The following CPA6 variants were observed in gnomAD, a reference collection of about 807,000 sequenced individuals.
The protein encoded by CPA6 is carboxypeptidase A6, also known as carboxypeptidase B.
In CPA6, 58 loss-of-function variants were observed where a neutral mutation model predicts 63.3. The ratio of observed to expected loss-of-function variants is 0.92; its 90% CI spans 0.74 to 1.14. CPA6 has a LOEUF of 1.14. Among genes scored for constraint, CPA6 ranks in the 50% most tolerant of loss-of-function variants. The probability of loss-of-function intolerance (pLI) is 0.00; values close to 1 mark genes in which losing one functional copy is unlikely to be tolerated. For missense variants in CPA6, 565 were observed against 526.6 expected, an observed-to-expected ratio of 1.07 and a Z score of -0.71; for synonymous variants, 185 against 179.0, an observed-to-expected ratio of 1.03 and a Z score of -0.27.
intron 1 of CPA6, among the ~76,000 whole-genome samples, chr8:67,661,037 TATTCA>T (rs1381028198): frequency 6.6e-6 from 1 of 152,222 alleles, no homozygotes; most frequent in African/African-American, 2.4e-5. Context: ...TTTAGTCATT[TATTCA>T]AGTATTTACT....
At chr8:67,695,533 A>C (rs775366339) in intron 1 of CPA6, among the ~76,000 whole-genome samples, 1 of 152,200 alleles carries the variant, frequency 6.6e-6, no homozygotes, top group Non-Finnish European at 1.5e-5. Context: ...GGACTTACAG[A>C]ATGCTTTATC....
At position 67,696,078 on chromosome 8, in the gene CPA6, A is replaced by C. The variant is rs534908986; in HGVS notation, c.116+49936T>G. On this transcript the variant is annotated intron_variant, in intron 1 of 10. Transcript: ENST00000297770. ...AAAACGGGAGTTACAGTCTAGGCTGAAGTGATGGATCCTGACCACCAAGGG... is the reference window on the plus strand; with the variant it reads ...AAAACGGGAGTTACAGTCTAGGCTGCAGTGATGGATCCTGACCACCAAGGG... Among the ~76,000 whole-genome samples the C allele has an allele frequency of 1.1e-3, 172 of 152,302 alleles. 2 individuals are homozygous for C. Among genetic ancestry groups the C allele is most frequent in the Non-Finnish European group, 1.2e-3 (82 of 68,018 alleles).
chr8:67,571,148 A>G (rs942907809), intron 2 of CPA6, among the ~76,000 whole-genome samples: 1 of 152,344 alleles, frequency 6.6e-6, no homozygotes, highest in Non-Finnish European at 1.5e-5. Flanking sequence ...CATCAAGAGG[A>G]CATAAAAATT....
At chr8:67,500,389 T>G (rs1811807195) in intron 6 of CPA6, among the ~76,000 whole-genome samples, 1 of 152,296 alleles carries the variant, frequency 6.6e-6, no homozygotes, top group East Asian at 1.9e-4. Context: ...TTGGATTGCT[T>G]GCTTTTTACT....
chr8:67,459,478 T>C (rs138858931), intron 8 of CPA6, among the ~76,000 whole-genome samples: 2 of 152,300 alleles, frequency 1.3e-5, no homozygotes, highest in East Asian at 3.9e-4. Flanking sequence ...ATGGAGGAAA[T>C]GTAAACGTGT....
In CPA6 at chr8:67,624,094, C is replaced by T. The variant is rs139147000; in HGVS notation, c.192+82G>A. The T allele has an allele frequency of 1.1e-3, 838 of 792,992 alleles. 8 individuals carry two copies. In the East Asian group the frequency reaches 0.015, roughly 14 times the overall value. The allele number at this position is 792,992 out of a possible 1,614,324, so 49.1% of individuals were successfully genotyped here. A position where few individuals can be genotyped will look rare whatever the true frequency, so the allele number is the denominator to read the frequency against. On this transcript the variant is annotated intron_variant, in intron 2 of 10. Coordinates refer to ENST00000297770, the MANE Select transcript of CPA6 (RefSeq NM_020361.5). ...CTTTACTTTCTTGGCTAATAAATTC[C>T]AATTATTCAACTCCAGTCAGCAAAT...
intron 1 of CPA6, among the ~76,000 whole-genome samples, chr8:67,737,732 A>C (rs1050995039): frequency 6.6e-6 from 1 of 152,222 alleles, no homozygotes; most frequent in South Asian, 2.1e-4. Context: ...CTCCCTTGTT[A>C]AACAATTCTC....
chr8:67,467,918 T>C lies in CPA6; in HGVS notation c.838+15850A>G, dbSNP rs931861003. 3.1e-3 allele frequency among the ~76,000 whole-genome samples: 401 copies of C among 129,396 alleles called. 2 individuals are homozygous for C. The highest frequency in any genetic ancestry group is 0.012 in the African/African-American group (382 of 31,128). The allele number at this position is 129,396 out of a possible 152,430, so 84.9% of individuals were successfully genotyped here. A position where few individuals can be genotyped will look rare whatever the true frequency, so the allele number is the denominator to read the frequency against. On this transcript the variant is annotated intron_variant, in intron 8 of 10. Transcript: ENST00000297770. ...AAAAAAAAAAAAAAAATTAGCCAGG[T>C]GTGGTGGCAGGCTCCTGTAATCCCA...
At chr8:67,506,145 GGCCC>G in intron 6 of CPA6, among the ~76,000 whole-genome samples, 1 of 151,984 alleles carries the variant, frequency 6.6e-6, no homozygotes, top group Non-Finnish European at 1.5e-5. Flanking sequence ...ACAAAAGGCT[GGCCC>G]ACTCTTGGGA....
At chr8:67,469,472 G>A (rs1428919504) in intron 8 of CPA6, among the ~76,000 whole-genome samples, 2 of 152,090 alleles carry the variant, frequency 1.3e-5, no homozygotes, top group Non-Finnish European at 2.9e-5. Context: ...TGGACGTGGT[G>A]GTGCATGCCT....
intron 7 of CPA6, 32 bp downstream of exon 7, chr8:67,484,647 C>G: frequency 8.8e-7 from 1 of 1,138,318 alleles, no homozygotes; most frequent in Admixed American, 1.8e-5. Flanking sequence ...TTATTTAGTC[C>G]TCTTTTCAAC....
chr8:67,449,810 C>CTTT (rs35803454), intron 8 of CPA6, among the ~76,000 whole-genome samples: 5 of 124,274 alleles, frequency 4.0e-5, no homozygotes, highest in Non-Finnish European at 3.3e-5. Flanking sequence ...CAAGCCATCT[C>CTTT]TTTTTTTTTT....
At position 67,614,932 on chromosome 8, in the gene CPA6, T is replaced by C. The variant is rs191537794; in HGVS notation, c.192+9244A>G. The stretch of plus-strand genomic sequence containing the variant: ...GACATTATGTCTCCAGGGGTCTTAC[T>C]TTTAAGCACCATGCTAACTGCTTTC... On this transcript the variant is annotated intron_variant, in intron 2 of 10. Coordinates refer to ENST00000297770, the MANE Select transcript of CPA6 (RefSeq NM_020361.5). Among the ~76,000 whole-genome samples, 986 of 152,344 alleles carry C rather than the reference T, an allele frequency of 6.5e-3. 8 individuals are homozygous for C. Among genetic ancestry groups the C allele is most frequent in the Middle Eastern group, 0.01 (3 of 294 alleles).
intron 2 of CPA6, among the ~76,000 whole-genome samples, chr8:67,612,667 C>T (rs1814841273): frequency 6.6e-6 from 1 of 152,164 alleles, no homozygotes; most frequent in Admixed American, 6.5e-5. Context: ...TTAATCATTC[C>T]ACATTTATAC....
intron 2 of CPA6, among the ~76,000 whole-genome samples, chr8:67,586,262 A>G (rs940582205): frequency 6.6e-6 from 1 of 152,132 alleles, no homozygotes; most frequent in African/African-American, 2.4e-5. Flanking sequence ...GCCTAGCTTT[A>G]GGAGTTCTGC....
chr8:67,521,358 C>T (rs781333481), intron 2 of CPA6, among the ~76,000 whole-genome samples: 9 of 152,208 alleles, frequency 5.9e-5, no homozygotes, highest in Non-Finnish European at 1.2e-4. Flanking sequence ...GCAGCATTGG[C>T]TATTTGACTT....
intron 8 of CPA6, among the ~76,000 whole-genome samples, chr8:67,435,290 G>A (rs2128952545): frequency 6.6e-6 from 1 of 152,174 alleles, no homozygotes; most frequent in African/African-American, 2.4e-5. Context: ...ATGGAAGAAG[G>A]GCTGGACCCA....
At chr8:67,611,328 C>A (rs1260085263) in intron 2 of CPA6, among the ~76,000 whole-genome samples, 1 of 152,168 alleles carries the variant, frequency 6.6e-6, no homozygotes. Flanking sequence ...AGGTGATCTG[C>A]CTGCCTCAGC....
At chr8:67,460,773 A>G (rs1279309629) in intron 8 of CPA6, among the ~76,000 whole-genome samples, 2 of 152,246 alleles carry the variant, frequency 1.3e-5, no homozygotes, top group African/African-American at 2.4e-5. Flanking sequence ...CTATTTATCT[A>G]TATAATAAAA....
Sources: allele counts gnomAD v4.1 joint callset (sites outside exome capture counted in the v4.1 genomes callset), GRCh38; gene constraint gnomAD v4.1.1; transcripts MANE v1.5; gene names NCBI Gene and HGNC (gene_info 2026-07-23, HGNC 2026-07-21).